The following METAP1D variants were observed in gnomAD, a reference collection of about 807,000 sequenced individuals.
METAP1D encodes the protein methionine aminopeptidase 1D, mitochondrial.
A neutral mutation model predicts 40.5 loss-of-function variants in METAP1D; 31 were observed. The ratio of observed to expected loss-of-function variants is 0.77; its 90% CI spans 0.58 to 1.03. The LOEUF is 1.03. Among genes scored for constraint, METAP1D ranks in the 50% least tolerant of loss-of-function variants. The pLI, the probability that METAP1D is intolerant of heterozygous loss-of-function variation, is 0.00. For synonymous variants in METAP1D, 151 were observed against 146.4 expected (o/e 1.03, Z -0.22); for missense variants, 411 against 420.7 (o/e 0.98, Z 0.20).
rs1172285943 is a variant in METAP1D, at chr2:172,081,399, T to TA, written c.*994dup. The TA allele has an allele frequency of 1.3e-5, 2 of 152,210 alleles. No homozygotes were observed. The highest frequency in any genetic ancestry group is 2.9e-5 in the Non-Finnish European group (2 of 68,052). The allele number at this position is 152,210 out of a possible 1,614,324, so 9.4% of individuals were successfully genotyped here. On this transcript the variant is annotated 3_prime_UTR_variant, in exon 10 of 10. Coordinates refer to ENST00000315796, the MANE Select transcript of METAP1D (RefSeq NM_199227.3). ...CCGAGAGGGTCCCAGAGAGAGGAGA[T>TA]ACGGGCGCATTTGAGAGCAAGGGCC... is the stretch of plus-strand genomic sequence containing the variant.
chr2:172,016,697 C>T (rs950662201), intron 1 of METAP1D, among the ~76,000 whole-genome samples: 3 of 151,728 alleles, frequency 2.0e-5, no homozygotes, highest in Non-Finnish European at 2.9e-5. Context: ...GATCATTTCA[C>T]TCCCCCTTAA....
Position 172,042,604 on chromosome 2 carries a change from T to C in METAP1D, c.41-18894T>C, listed in dbSNP as rs1434621352. 8.1e-5 allele frequency among the ~76,000 whole-genome samples: 2 copies of C among 24,566 alleles called. 1 individual carries two copies. Among genetic ancestry groups the C allele is most frequent in the Non-Finnish European group, 1.4e-4 (2 of 14,226 alleles). 16.1% of individuals were successfully genotyped at this position (24,566 alleles called of 152,430 possible). A position where few individuals can be genotyped will look rare whatever the true frequency, so the allele number is the denominator to read the frequency against. On this transcript the variant is annotated intron_variant, in intron 1 of 9. Coordinates refer to ENST00000315796, the MANE Select transcript of METAP1D (RefSeq NM_199227.3). ...ATGTGTGTATGTGTACATGTGCACA[T>C]ATATACATATATGTGTGTATGTGTA... is the stretch of plus-strand genomic sequence containing the variant.
At chr2:172,035,763 C>T (rs763502986) in intron 1 of METAP1D, among the ~76,000 whole-genome samples, 5 of 152,090 alleles carry the variant, frequency 3.3e-5, no homozygotes, top group Non-Finnish European at 7.3e-5. Context: ...ATCCTCCCAC[C>T]TCCACCTCCC....
chr2:172,056,394 C>T (rs1179786085), intron 1 of METAP1D, among the ~76,000 whole-genome samples: 3 of 152,224 alleles, frequency 2.0e-5, no homozygotes, highest in Non-Finnish European at 1.5e-5. Flanking sequence ...TTAGCAGGAC[C>T]AGGGGTAGAA....
At position 172,080,308 on chromosome 2, in the gene METAP1D, G is replaced by A. The variant is rs1690670930; in HGVS notation, c.930-20G>A. The A allele has an allele frequency of 6.2e-7, 1 of 1,614,174 alleles. No individual in the cohort carries two copies. The highest frequency in any genetic ancestry group is 8.5e-7 in the Non-Finnish European group (1 of 1,179,996). On this transcript the variant is annotated intron_variant, in intron 9 of 9. Transcript: ENST00000315796. ...CCGGAGCTTGCGTGCGCGTTCTGAC[G>A]GCTGGGTGCTGTGTTACAGGTCGGC... is the stretch of plus-strand genomic sequence containing the variant.
chr2:172,071,133 T>G lies in METAP1D; in HGVS notation c.704+63T>G, dbSNP rs1022731564. The G allele has an allele frequency of 2.0e-5, 27 of 1,373,754 alleles. No homozygotes were observed. The Admixed American group carries it at 7.7e-4, about 39-fold the overall frequency. 85.1% of individuals were successfully genotyped at this position (1,373,754 alleles called of 1,614,324 possible). A position where few individuals can be genotyped will look rare whatever the true frequency, so the allele number is the denominator to read the frequency against. ...AATGGTACAAAGGTTATTGGTGGCTTGGTATAAAGTTGATGACATGTTTTA... is the reference window on the plus strand; with the variant it reads ...AATGGTACAAAGGTTATTGGTGGCTGGGTATAAAGTTGATGACATGTTTTA... On this transcript the variant is annotated intron_variant, in intron 6 of 9. Transcript: ENST00000315796.
At chr2:172,008,115 G>A (rs1312541647) in intron 1 of METAP1D, among the ~76,000 whole-genome samples, 1 of 151,018 alleles carries the variant, frequency 6.6e-6, no homozygotes, top group African/African-American at 2.4e-5. Flanking sequence ...TTTGCTGATG[G>A]TATTATATTC....
At chr2:172,033,382 C>G (rs13391643) in intron 1 of METAP1D, among the ~76,000 whole-genome samples, 1 of 149,494 alleles carries the variant, frequency 6.7e-6, no homozygotes, top group Non-Finnish European at 1.5e-5. Context: ...GAGACGGAAT[C>G]TCACTCTGTC....
In METAP1D at chr2:172,061,373, G is replaced by T. The variant is rs1029724868; in HGVS notation, c.41-125G>T. The T allele has an allele frequency of 1.2e-5, 9 of 770,490 alleles. No homozygotes were observed. The Admixed American group carries it at 2.6e-4, about 23-fold the overall frequency. 47.7% of individuals were successfully genotyped at this position (770,490 alleles called of 1,614,324 possible). On this transcript the variant is annotated intron_variant, in intron 1 of 9. Coordinates refer to ENST00000315796, the MANE Select transcript of METAP1D (RefSeq NM_199227.3). ...ACCACTGTTTTCATTTCTATTTGGG[G>T]CTTTTCCTTTTTCAGTCAATAAGGT...
Position 172,080,562 on chromosome 2 carries a change from G to A in METAP1D, c.*156G>A. The A allele has an allele frequency of 1.4e-6, 1 of 733,050 alleles. No homozygotes were observed. The allele number at this position is 733,050 out of a possible 1,614,324, so 45.4% of individuals were successfully genotyped here. On this transcript the variant is annotated 3_prime_UTR_variant, in exon 10 of 10. Transcript: ENST00000315796. ...GGAAGAACGCGGGGGAGACTGAAGA[G>A]CAACTGGGAACTCGGATCTGAAGCC...
intron 1 of METAP1D, among the ~76,000 whole-genome samples, chr2:172,010,008 GATGACTAA>G (rs1688674121): frequency 6.6e-6 from 1 of 152,136 alleles, no homozygotes; most frequent in South Asian, 2.1e-4. Context: ...GAAATTGCAG[GATGACTAA>G]GTATCAGTGA....
At chr2:172,022,175 C>T (rs1275994043) in intron 1 of METAP1D, among the ~76,000 whole-genome samples, 1 of 152,156 alleles carries the variant, frequency 6.6e-6, no homozygotes, top group Non-Finnish European at 1.5e-5. Flanking sequence ...TGATCCCACC[C>T]TGCCCCCATG....
intron 1 of METAP1D, among the ~76,000 whole-genome samples, chr2:172,053,208 C>G (rs1412793909): frequency 1.3e-5 from 2 of 152,220 alleles, no homozygotes; most frequent in African/African-American, 2.4e-5. Context: ...TTCTCATGGA[C>G]TTGAAGCACA....
chr2:172,077,532 A>T (rs149765277), intron 6 of METAP1D, among the ~76,000 whole-genome samples: 1 of 151,904 alleles, frequency 6.6e-6, no homozygotes, highest in East Asian at 2.0e-4. Context: ...CTTTGTTTGA[A>T]TGCTGTACAA....
chr2:172,017,462 C>T (rs956134554), intron 1 of METAP1D, among the ~76,000 whole-genome samples: 8 of 151,662 alleles, frequency 5.3e-5, no homozygotes, highest in Non-Finnish European at 7.4e-5. Context: ...AGGTGGCTCA[C>T]GTTCACCTGT....
intron 1 of METAP1D, among the ~76,000 whole-genome samples, chr2:172,008,908 G>T (rs1242635904): frequency 6.6e-6 from 1 of 152,220 alleles, no homozygotes; most frequent in East Asian, 1.9e-4. Context: ...CTAATGGGTT[G>T]CTAGTGTGCA....
At chr2:172,070,288 C>T (rs564866371) in intron 5 of METAP1D, among the ~76,000 whole-genome samples, 7 of 152,196 alleles carry the variant, frequency 4.6e-5, no homozygotes, top group East Asian at 3.9e-4. Flanking sequence ...TGTTAACGTT[C>T]GGCTGTCTGG....
In METAP1D at chr2:172,063,786, G is replaced by A. The variant is rs146517576; in HGVS notation, c.274G>A (p.Asp92Asn). 2.3e-3 allele frequency: 3,662 copies of A among 1,614,102 alleles called. 5 individuals are homozygous for A. Among genetic ancestry groups the A allele is most frequent in the Non-Finnish European group, 2.7e-3 (3,230 of 1,179,982 alleles). ...WGDSIEVKNE[D>N]QIQGLHQACQ... is the part of the protein sequence containing the mutation. ...AGACAGCATAGAAGTTAAGAATGAA[G>A]ATCAGATTCAAGGGCTTCATCAGGC... Residue 92 changes from aspartate to asparagine, a missense_variant, in exon 3 of 10, where the codon GAT becomes AAT. Transcript: ENST00000315796.
In METAP1D at chr2:172,022,698, G is replaced by A. The variant is rs149576592; in HGVS notation, c.40+22689G>A. Reference sequence around the variant, plus strand: ...TGTTTAGCTATGTAACATACTCGTGGCTTTTCCTTTTATTAGAATTTATTT... The same window carrying A: ...TGTTTAGCTATGTAACATACTCGTGACTTTTCCTTTTATTAGAATTTATTT... On this transcript the variant is annotated intron_variant, in intron 1 of 9. Transcript: ENST00000315796. Among the ~76,000 whole-genome samples the A allele has an allele frequency of 1.4e-4, 21 of 152,162 alleles. 1 individual carries two copies. Among genetic ancestry groups the A allele is most frequent in the African/African-American group, 4.8e-4 (20 of 41,518 alleles).
Sources: allele counts gnomAD v4.1 joint callset (sites outside exome capture counted in the v4.1 genomes callset), GRCh38; gene constraint gnomAD v4.1.1; transcripts MANE v1.5; gene names NCBI Gene and HGNC (gene_info 2026-07-23, HGNC 2026-07-21).